RBM20: variants seen among roughly 807,000 people sequenced by gnomAD.
The protein encoded by RBM20 is RNA binding motif protein 20.
Under a neutral mutation model 110.1 loss-of-function variants are expected in RBM20, and 51 were observed. The observed-to-expected ratio is 0.46, with a 90% CI of 0.37 to 0.59. RBM20 has a LOEUF of 0.59. Ranked by LOEUF, RBM20 falls within the 20% of genes least tolerant of loss-of-function variation. The pLI is 0.00. For missense variants in RBM20, 1,512 were observed against 1,574.9 expected, an observed-to-expected ratio of 0.96 and a Z score of 0.68; for synonymous variants, 589 against 618.2, an observed-to-expected ratio of 0.95 and a Z score of 0.70.
intron 1 of RBM20, among the ~76,000 whole-genome samples, chr10:110,678,445 GCAT>G (rs1327210939): frequency 6.6e-6 from 1 of 152,216 alleles, no homozygotes; most frequent in Non-Finnish European, 1.5e-5. Context: ...GCCCACTGCA[GCAT>G]CATCAGAGAA....
At chr10:110,681,249 G>A (rs965146401) in intron 1 of RBM20, among the ~76,000 whole-genome samples, 8 of 152,138 alleles carry the variant, frequency 5.3e-5, no homozygotes, top group Admixed American at 1.3e-4. Context: ...ACGTCTCCTC[G>A]CAATAGGGTC....
At chr10:110,819,711 C>T (rs1241553169) in intron 9 of RBM20, among the ~76,000 whole-genome samples, 2 of 152,182 alleles carry the variant, frequency 1.3e-5, no homozygotes, top group African/African-American at 4.8e-5. Context: ...ATGGTTAACC[C>T]TGGGGTCTTG....
intron 1 of RBM20, 39 bp from the exon 2 acceptor site, chr10:110,780,762 G>T: frequency 6.8e-7 from 1 of 1,470,370 alleles, no homozygotes. Flanking sequence ...CCCCCTCATT[G>T]AAAACCAGCT....
At chr10:110,684,410 AAAACAAAACAAAAC>A (rs1200216035) in intron 1 of RBM20, among the ~76,000 whole-genome samples, 13 of 151,542 alleles carry the variant, frequency 8.6e-5, no homozygotes, top group African/African-American at 2.9e-4. Context: ...AAAACAAAAC[AAAACAAAACAAAAC>A]AAAAGAAAAA....
At chr10:110,735,353 T>A (rs992204134) in intron 1 of RBM20, among the ~76,000 whole-genome samples, 3 of 152,222 alleles carry the variant, frequency 2.0e-5, no homozygotes, top group Non-Finnish European at 4.4e-5. Context: ...GTATTTTTTT[T>A]ATGTGGAAAG....
At chr10:110,802,884 C>T (rs1336205128) in intron 7 of RBM20, among the ~76,000 whole-genome samples, 4 of 152,230 alleles carry the variant, frequency 2.6e-5, no homozygotes, top group African/African-American at 7.2e-5. Flanking sequence ...GGCTCTACCG[C>T]TTCCTGCTTT....
chr10:110,807,513 C>A (rs1844709738), intron 7 of RBM20, among the ~76,000 whole-genome samples: 1 of 152,190 alleles, frequency 6.6e-6, no homozygotes, highest in South Asian at 2.1e-4. Flanking sequence ...GGGGTGCCAT[C>A]TGTGATAACC....
intron 7 of RBM20, among the ~76,000 whole-genome samples, chr10:110,809,669 C>T (rs1022108572): frequency 6.6e-6 from 1 of 152,120 alleles, no homozygotes; most frequent in African/African-American, 2.4e-5. Flanking sequence ...AAGCCCGACT[C>T]CCAGCTTATG....
At chr10:110,773,879 C>T (rs1166330312) in intron 1 of RBM20, among the ~76,000 whole-genome samples, 4 of 152,120 alleles carry the variant, frequency 2.6e-5, no homozygotes, top group Non-Finnish European at 2.9e-5. Context: ...ACGTACGGAG[C>T]ACAGTGGACT....
intron 1 of RBM20, among the ~76,000 whole-genome samples, chr10:110,760,058 A>G (rs183072733): frequency 7.9e-5 from 12 of 152,266 alleles, no homozygotes; most frequent in East Asian, 7.7e-4. Context: ...CCAAGAAGCT[A>G]TCTTGATGTT....
intron 1 of RBM20, among the ~76,000 whole-genome samples, chr10:110,727,423 T>TAAAAAAAAAAAA (rs1564827114): frequency 1.1e-4 from 12 of 113,890 alleles, no homozygotes; most frequent in African/African-American, 3.4e-4. Flanking sequence ...AAAAAAAAAA[T>TAAAAAAAAAAAA]AAATAAAAAG....
chr10:110,685,141 G>A (rs1862484088), intron 1 of RBM20, among the ~76,000 whole-genome samples: 1 of 152,252 alleles, frequency 6.6e-6, no homozygotes, highest in Non-Finnish European at 1.5e-5. Context: ...CGCTGCCGAG[G>A]ATCAGCACTT....
At chr10:110,693,902 A>G (rs576080692) in intron 1 of RBM20, among the ~76,000 whole-genome samples, 23 of 152,322 alleles carry the variant, frequency 1.5e-4, no homozygotes, top group Admixed American at 1.3e-3. Context: ...CTCTTGGTAA[A>G]CTGACTGCTT....
chr10:110,797,687 G>A, intron 6 of RBM20, 39 bp downstream of exon 6: 6 of 1,531,620 alleles, frequency 3.9e-6, no homozygotes, highest in Non-Finnish European at 5.3e-6. Context: ...ATATGCCACA[G>A]ACCACACATT....
Position 110,644,496 on chromosome 10 carries a change from C to A in RBM20, c.42C>A (p.Ser14Arg). The A allele has an allele frequency of 2.0e-6, 3 of 1,523,228 alleles. No homozygotes were observed. Among genetic ancestry groups the A allele is most frequent in the African/African-American group, 1.4e-5 (1 of 70,058 alleles). The allele number at this position is 1,523,228 out of a possible 1,614,324, so 94.4% of individuals were successfully genotyped here. Residue 14 changes from serine (S) to arginine (R), a missense_variant, in exon 1 of 14, where the codon AGC (serine) becomes AGA (arginine). Transcript: ENST00000369519. This position sits in a 1 kb window ranked among gnomAD's most constrained non-coding sequence, Gnocchi z 4.3. ...AAAMSQDADP[S>R]GPEQPDRVAC... ...CCATGAGCCAGGACGCGGACCCCAG[C>A]GGTCCGGAGCAGCCGGACAGAGTTG...
At chr10:110,810,271 T>C in intron 7 of RBM20, 112 bp from the exon 8 acceptor site, 1 of 747,516 alleles carries the variant, frequency 1.3e-6, no homozygotes, top group South Asian at 1.5e-5. Flanking sequence ...CCACACAAGG[T>C]ATTTTTTCCC....
intron 12 of RBM20, chr10:110,827,707 C>G (rs1485061678): frequency 6.6e-6 from 1 of 152,204 alleles, no homozygotes; most frequent in Non-Finnish European, 1.5e-5. Flanking sequence ...GTCTTAGTGG[C>G]TTCCAGTGGG....
At chr10:110,770,144 G>A (rs183709219) in intron 1 of RBM20, among the ~76,000 whole-genome samples, 1 of 152,324 alleles carries the variant, frequency 6.6e-6, no homozygotes, top group East Asian at 1.9e-4. Context: ...TCCACCCCCA[G>A]ATCTTCCGAG....
chr10:110,763,651 G>A (rs1490872234), intron 1 of RBM20, among the ~76,000 whole-genome samples: 2 of 152,036 alleles, frequency 1.3e-5, no homozygotes, highest in African/African-American at 4.8e-5. Flanking sequence ...GCAGGAGAAC[G>A]GTGGCTCCTC....
Sources: gnomAD v4.1 joint callset for allele counts (sites outside exome capture counted in the v4.1 genomes callset) on GRCh38, gnomAD v4.1.1 for gene constraint, Gnocchi (gnomAD v3.1) non-coding constraint, MANE v1.5 for transcripts, NCBI Gene and HGNC (gene_info 2026-07-23, HGNC 2026-07-21) for gene names.